CMIP: variants seen among roughly 807,000 people sequenced by gnomAD.
The protein encoded by CMIP is C-Maf-inducing protein.
In CMIP, 13 loss-of-function variants were observed where a neutral mutation model predicts 97.3. The ratio of observed to expected loss-of-function variants is 0.13; its 90% CI spans 0.09 to 0.21. The LOEUF is 0.21. Among genes scored for constraint, CMIP ranks in the 10% least tolerant of loss-of-function variants. CMIP has a pLI of 1.00. For missense variants in CMIP, 847 were observed against 1,024.9 expected, an observed-to-expected ratio of 0.83 and a Z score of 2.37; for synonymous variants, 538 against 436.3, an observed-to-expected ratio of 1.23 and a Z score of -2.91.
intron 2 of CMIP, chr16:81,619,894 C>G (rs1478607154): frequency 6.6e-6 from 1 of 152,176 alleles, no homozygotes; most frequent in Non-Finnish European, 1.5e-5. Context: ...CCATGAAACA[C>G]CATAGCATTA....
At chr16:81,691,140 A>G (rs888089773) in intron 10 of CMIP, among the ~76,000 whole-genome samples, 1 of 152,194 alleles carries the variant, frequency 6.6e-6, no homozygotes, top group African/African-American at 2.4e-5. Context: ...ATAAAGTACC[A>G]TCAACCTCAT....
At chr16:81,599,663 G>T (rs2091624348) in intron 1 of CMIP, among the ~76,000 whole-genome samples, 1 of 152,212 alleles carries the variant, frequency 6.6e-6, no homozygotes, top group Non-Finnish European at 1.5e-5. Context: ...ATAACAGAGG[G>T]ATGGAAGTTG....
At chr16:81,685,811 G>T (rs1245326670) in intron 10 of CMIP, among the ~76,000 whole-genome samples, 1 of 150,326 alleles carries the variant, frequency 6.7e-6, no homozygotes, top group East Asian at 2.0e-4. Context: ...CAATCCTCCC[G>T]CCTCAGCCTC....
At chr16:81,678,119 G>C (rs1904456904) in intron 9 of CMIP, among the ~76,000 whole-genome samples, 156 bp from the exon 10 acceptor site, 1 of 152,172 alleles carries the variant, frequency 6.6e-6, no homozygotes, top group Non-Finnish European at 1.5e-5. Flanking sequence ...CGTGCACCCA[G>C]GCTGAGCCTC....
At chr16:81,618,292 T>G (rs1238922838) in intron 2 of CMIP, among the ~76,000 whole-genome samples, 1 of 152,152 alleles carries the variant, frequency 6.6e-6, no homozygotes, top group African/African-American at 2.4e-5. Context: ...CCGCATTCCT[T>G]GGCTCATGGC....
At chr16:81,481,230 T>C (rs2150756470) in intron 1 of CMIP, among the ~76,000 whole-genome samples, 1 of 152,344 alleles carries the variant, frequency 6.6e-6, no homozygotes, top group African/African-American at 2.4e-5. Flanking sequence ...ACAGTCTCCA[T>C]TATCCTCATG....
chr16:81,468,392 A>G (rs1279085634), intron 1 of CMIP, among the ~76,000 whole-genome samples: 1 of 152,248 alleles, frequency 6.6e-6, no homozygotes, highest in Non-Finnish European at 1.5e-5. Context: ...CCCCATCTGC[A>G]TGAGTGTCCC....
intron 1 of CMIP, among the ~76,000 whole-genome samples, chr16:81,532,155 G>A (rs1412495386): frequency 1.3e-5 from 2 of 152,192 alleles, no homozygotes; most frequent in African/African-American, 4.8e-5. Flanking sequence ...GGTCCGAAGT[G>A]TTTCCGCTGC....
At chr16:81,625,408 CA>C (rs2092047894) in intron 3 of CMIP, among the ~76,000 whole-genome samples, 1 of 152,270 alleles carries the variant, frequency 6.6e-6, no homozygotes, top group Non-Finnish European at 1.5e-5. Context: ...ATTTCTGACT[CA>C]GATGTACCTC....
chr16:81,607,513 C>T (rs780479821), intron 1 of CMIP, 54 bp from the exon 2 acceptor site: 25 of 1,597,270 alleles, frequency 1.6e-5, no homozygotes, highest in Non-Finnish European at 1.5e-5. Context: ...ATGCGGACGT[C>T]ATGCCTGCTA....
rs1187377391 is a variant in CMIP at position 81,701,661 on chromosome 16, T to A, written c.1757T>A (p.Ile586Asn). ...ALRGNQTMVEILCLMLEYNII... is the reference protein window; with the variant it reads ...ALRGNQTMVENLCLMLEYNII... ...ATGCACCCCTGCGGTTCTGGACAGA[T>A]CCTGTGCTTGATGCTGGAATACAAC... The change falls in exon 16 of 21, where the codon ATC becomes AAC. Residue 586 changes from isoleucine to asparagine, a missense_variant and splice_region_variant. Ile to Asn is a moderately radical substitution (Grantham distance 149). Coordinates refer to ENST00000537098, the MANE Select transcript of CMIP (RefSeq NM_198390.3). 1.2e-6 allele frequency: 2 copies of A among 1,613,840 alleles called. No homozygotes were observed. The highest frequency in any genetic ancestry group is 2.2e-5 in the South Asian group (2 of 91,088).
intron 1 of CMIP, among the ~76,000 whole-genome samples, chr16:81,469,852 A>G (rs1907417557): frequency 6.6e-6 from 1 of 152,144 alleles, no homozygotes; most frequent in Non-Finnish European, 1.5e-5. Context: ...CTGTTTGAAC[A>G]TTTCCCTGAA....
intron 1 of CMIP, among the ~76,000 whole-genome samples, chr16:81,504,896 G>A: frequency 6.6e-6 from 1 of 152,190 alleles, no homozygotes; most frequent in East Asian, 1.9e-4. Flanking sequence ...GGTTTACAGT[G>A]GATTGGAAAG....
intron 11 of CMIP, among the ~76,000 whole-genome samples, chr16:81,692,412 G>C (rs1906192938): frequency 6.6e-6 from 1 of 152,168 alleles, no homozygotes; most frequent in South Asian, 2.1e-4. Flanking sequence ...AGAGAACGCT[G>C]TCTGGTGGAT....
intron 1 of CMIP, among the ~76,000 whole-genome samples, chr16:81,585,749 A>G (rs1489109658): frequency 2.4e-5 from 3 of 126,630 alleles, no homozygotes; most frequent in Non-Finnish European, 5.5e-5. Context: ...GGGCTGGAGA[A>G]GAACCCCACC....
At chr16:81,653,114 A>G (rs1056948790) in intron 4 of CMIP, among the ~76,000 whole-genome samples, 3 of 152,200 alleles carry the variant, frequency 2.0e-5, no homozygotes, top group Admixed American at 6.5e-5. Flanking sequence ...TAGGCGCTTT[A>G]CAAATATTAA....
intron 6 of CMIP, among the ~76,000 whole-genome samples, chr16:81,661,983 G>T (rs1278115148): frequency 6.6e-6 from 1 of 152,186 alleles, no homozygotes; most frequent in Non-Finnish European, 1.5e-5. Context: ...GGCCCAGGGA[G>T]TGAACACCCG....
chr16:81,645,625 G>A (rs1464181213), intron 3 of CMIP: 1 of 1,535,502 alleles, frequency 6.5e-7, no homozygotes, highest in Admixed American at 2.0e-5. Context: ...GACAAGCAGA[G>A]AGGGTGAGGA....
chr16:81,487,494 C>T (rs909533037), intron 1 of CMIP, among the ~76,000 whole-genome samples: 2 of 152,102 alleles, frequency 1.3e-5, no homozygotes, highest in Non-Finnish European at 2.9e-5. Flanking sequence ...GCCGGCTTGG[C>T]GGGAATGGGC....
Sources: allele counts gnomAD v4.1 joint callset (sites outside exome capture counted in the v4.1 genomes callset), GRCh38; gene constraint gnomAD v4.1.1; transcripts MANE v1.5; gene names NCBI Gene and HGNC (gene_info 2026-07-23, HGNC 2026-07-21).